Variants in CEP128 observed in about 807,000 individuals in gnomAD.
CEP128 encodes the protein centrosomal protein 128, also known as centrosomal protein 128kDa.
CEP128 carries 132 observed loss-of-function variants against 156.7 expected under a neutral mutation model. The observed-to-expected ratio is 0.84, with a 90% CI of 0.73 to 0.97. The LOEUF is 0.97. Among genes scored for constraint, CEP128 ranks in the 50% least tolerant of loss-of-function variants. The pLI, the probability that CEP128 is intolerant of heterozygous loss-of-function variation, is 0.00. For missense variants in CEP128, 1,252 were observed against 1,281.9 expected, an observed-to-expected ratio of 0.98 and a Z score of 0.36; for synonymous variants, 469 against 448.9, an observed-to-expected ratio of 1.04 and a Z score of -0.57.
chr14:80,932,996 T>G (rs1885555225), intron 2 of CEP128, among the ~76,000 whole-genome samples: 1 of 152,188 alleles, frequency 6.6e-6, no homozygotes, highest in Non-Finnish European at 1.5e-5. Flanking sequence ...TTCAGCATCC[T>G]GTGTGAGGAT....
chr14:80,497,877 G>A (rs535809134), intron 24 of CEP128, among the ~76,000 whole-genome samples: 29 of 152,266 alleles, frequency 1.9e-4, no homozygotes, highest in South Asian at 1.2e-3. Context: ...ACGTGCACAC[G>A]CACACACACT....
intron 19 of CEP128, among the ~76,000 whole-genome samples, chr14:80,619,241 C>T (rs2140643180): frequency 6.6e-6 from 1 of 152,160 alleles, no homozygotes; most frequent in South Asian, 2.1e-4. Context: ...AATTAAAAAA[C>T]ACTCAAGGAA....
intron 19 of CEP128, among the ~76,000 whole-genome samples, chr14:80,643,719 G>T (rs112647367): frequency 1.0e-5 from 1 of 95,546 alleles, no homozygotes; most frequent in African/African-American, 4.5e-5. Flanking sequence ...CAAAAAAATC[G>T]TGGTGGTACA....
intron 8 of CEP128, among the ~76,000 whole-genome samples, chr14:80,867,045 C>T (rs775376295): frequency 3.4e-4 from 51 of 152,188 alleles, no homozygotes; most frequent in Admixed American, 5.2e-4. Flanking sequence ...TCTTTCCTTA[C>T]TAAGTTGAGA....
At chr14:80,890,318 C>T (rs1889031865) in intron 8 of CEP128, among the ~76,000 whole-genome samples, 1 of 152,134 alleles carries the variant, frequency 6.6e-6, no homozygotes, top group Non-Finnish European at 1.5e-5. Flanking sequence ...TATAAAGACA[C>T]ATGCACATGT....
chr14:80,846,760 T>C (rs1479840721), intron 9 of CEP128, among the ~76,000 whole-genome samples: 2 of 152,134 alleles, frequency 1.3e-5, no homozygotes, highest in Non-Finnish European at 2.9e-5. Flanking sequence ...AGAAATCAGA[T>C]TACAAGAATT....
chr14:80,818,440 AAAG>A (rs1246519562), intron 13 of CEP128, among the ~76,000 whole-genome samples: 4 of 152,274 alleles, frequency 2.6e-5, no homozygotes, highest in Admixed American at 2.6e-4. Flanking sequence ...AGGAATACCA[AAAG>A]AAGTTCTTCA....
chr14:80,916,459 C>G lies in CEP128; in HGVS notation c.89G>C (p.Arg30Pro). The part of the protein sequence containing the change: ...WAARSTHRGT[R>P]SLPTVEVTEK... ...GGTAACTTCTACTGTAGGAAGACTT[C>G]GAGTTCCCCTGTGCGTTGATCTGGC... Residue 30 changes from arginine (R) to proline (P), a missense_variant, in exon 3 of 25, where the codon CGA (arginine) becomes CCA (proline). Arg to Pro is a moderately radical substitution (Grantham distance 103). Transcript: ENST00000555265. 1 of 1,614,040 alleles carries G rather than the reference C, an allele frequency of 6.2e-7. No individual in the cohort carries two copies. Among genetic ancestry groups the G allele is most frequent in the South Asian group, 1.1e-5 (1 of 91,060 alleles).
At chr14:80,707,076 C>T (rs74064528) in intron 19 of CEP128, among the ~76,000 whole-genome samples, 1,918 of 152,102 alleles carry the variant, frequency 0.013, 48 homozygotes, top group African/African-American at 0.044. Flanking sequence ...TTCCAGTACC[C>T]GATTTATTTC....
chr14:80,732,640 C>A (rs1346676648), intron 19 of CEP128, among the ~76,000 whole-genome samples: 3 of 151,968 alleles, frequency 2.0e-5, no homozygotes, highest in African/African-American at 4.8e-5. Context: ...TGAGAGTATT[C>A]GAGGTTATTT....
Position 80,831,184 on chromosome 14 carries a change from T to TC in CEP128, c.1167dup (p.Arg390GlufsTer19). 1 of 1,614,090 alleles carries TC rather than the reference T, an allele frequency of 6.2e-7. No individual in the cohort carries two copies. Among genetic ancestry groups the TC allele is most frequent in the South Asian group, 1.1e-5 (1 of 91,076 alleles). On this transcript the variant is annotated frameshift_variant, in exon 13 of 25. Coordinates refer to ENST00000555265, the MANE Select transcript of CEP128 (RefSeq NM_152446.5). LOFTEE classifies it high-confidence loss of function. ...AAATGTGCTTTCTCCTTGTCTTTTC[T>TC]CTCCATGCACCGTTTCACTTCCTCT...
chr14:80,578,404 A>G (rs1891447040), intron 20 of CEP128, among the ~76,000 whole-genome samples: 1 of 152,232 alleles, frequency 6.6e-6, no homozygotes, highest in Non-Finnish European at 1.5e-5. Context: ...ATACATAATT[A>G]TAAGATGATA....
At chr14:80,683,469 TA>T (rs1230899263) in intron 19 of CEP128, among the ~76,000 whole-genome samples, 1 of 152,084 alleles carries the variant, frequency 6.6e-6, no homozygotes. Flanking sequence ...TCAAGATTAA[TA>T]AAACAAATAT....
intron 20 of CEP128, among the ~76,000 whole-genome samples, chr14:80,578,800 T>C (rs1203391404): frequency 6.6e-6 from 1 of 152,212 alleles, no homozygotes. Flanking sequence ...GCTTCTGGAC[T>C]CTTGTGCATT....
intron 19 of CEP128, among the ~76,000 whole-genome samples, chr14:80,598,341 T>C (rs1440990178): frequency 1.3e-5 from 2 of 152,108 alleles, no homozygotes; most frequent in African/African-American, 4.8e-5. Context: ...GACATCAAAA[T>C]TTAAAATTAT....
rs1885413521 is a variant in CEP128 at position 80,825,317 on chromosome 14, T to C, written c.1209+5826A>G. 2.6e-5 allele frequency among the ~76,000 whole-genome samples: 4 copies of C among 152,310 alleles called. No homozygotes were observed. The South Asian group carries it at 8.3e-4, about 32-fold the overall frequency. On this transcript the variant is annotated intron_variant, in intron 13 of 24. Transcript: ENST00000555265. ...AGATATGGGGTTTCACTATGTTGCC[T>C]AGGCTGGTCTTGAACTTCTAAGCTC... is the stretch of plus-strand genomic sequence containing the variant.
intron 9 of CEP128, among the ~76,000 whole-genome samples, chr14:80,858,816 C>A (rs1274668657): frequency 6.6e-6 from 1 of 152,042 alleles, no homozygotes; most frequent in African/African-American, 2.4e-5. Context: ...TCACTGGCCA[C>A]CAGAGAAATG....
At chr14:80,624,169 C>T (rs1180673651) in intron 19 of CEP128, among the ~76,000 whole-genome samples, 3 of 152,218 alleles carry the variant, frequency 2.0e-5, no homozygotes, top group Admixed American at 6.5e-5. Context: ...AGTGAGAACA[C>T]GCAGTCTTTA....
intron 19 of CEP128, among the ~76,000 whole-genome samples, chr14:80,698,517 C>A (rs928161652): frequency 2.0e-5 from 3 of 152,156 alleles, no homozygotes; most frequent in African/African-American, 7.2e-5. Context: ...AGTTAACTTA[C>A]CCTATAGTAT....
Sources: gnomAD v4.1 joint callset for allele counts (sites outside exome capture counted in the v4.1 genomes callset) on GRCh38, gnomAD v4.1.1 for gene constraint, MANE v1.5 for transcripts, NCBI Gene and HGNC (gene_info 2026-07-23, HGNC 2026-07-21) for gene names.